Variants in ANK3 observed in about 807,000 individuals in gnomAD.
ANK3 encodes the protein ankyrin 3.
In ANK3, 57 loss-of-function variants were observed where a neutral mutation model predicts 370.9. That is an observed-to-expected ratio of 0.15 (90% confidence interval 0.12 to 0.19). The LOEUF is 0.19. Among genes scored for constraint, ANK3 ranks in the 10% least tolerant of loss-of-function variants. The probability of loss-of-function intolerance (pLI) is 1.00; values close to 1 mark genes in which losing one functional copy is unlikely to be tolerated. For missense variants in ANK3, 4,439 were observed against 5,302.1 expected, an observed-to-expected ratio of 0.84 and a Z score of 5.06; for synonymous variants, 1,929 against 1,946.3, an observed-to-expected ratio of 0.99 and a Z score of 0.23.
At chr10:60,512,933 T>A (rs561896844) in intron 2 of ANK3, among the ~76,000 whole-genome samples, 1 of 152,138 alleles carries the variant, frequency 6.6e-6, no homozygotes, top group South Asian at 2.1e-4. Flanking sequence ...TTATTTTCCA[T>A]AATTTACGTG....
At chr10:60,538,476 G>A (rs1390737909) in intron 2 of ANK3, among the ~76,000 whole-genome samples, 1 of 151,730 alleles carries the variant, frequency 6.6e-6, no homozygotes. Flanking sequence ...TGGCTCCCAT[G>A]TTGCCTCTTA....
intron 2 of ANK3, among the ~76,000 whole-genome samples, chr10:60,560,797 T>C (rs1290589824): frequency 6.6e-6 from 1 of 152,212 alleles, no homozygotes; most frequent in African/African-American, 2.4e-5. Flanking sequence ...AAAGAAACTT[T>C]GAAGTTAACT....
intron 1 of ANK3, among the ~76,000 whole-genome samples, chr10:60,291,791 C>A (rs1415665244): frequency 6.6e-6 from 1 of 152,136 alleles, no homozygotes; most frequent in Admixed American, 6.5e-5. Context: ...GAGCTCACTG[C>A]AACCTCCACC....
In ANK3 at chr10:60,503,000, C is replaced by T. The variant is rs184606551; in HGVS notation, c.96+112186G>A. Among the ~76,000 whole-genome samples, 3 of 152,148 alleles carry T rather than the reference C, an allele frequency of 2.0e-5. No homozygotes were observed. The East Asian group carries it at 5.8e-4, about 29-fold the overall frequency. ...GCAAGCATACTCTCTGGTTCAATTA[C>T]TTATGCATACTTAACTCTGTAATAT... is the stretch of plus-strand genomic sequence containing the variant. On this transcript the variant is annotated intron_variant, in intron 2 of 43. Coordinates refer to the ANK3 transcript ENST00000373827.
intron 2 of ANK3, among the ~76,000 whole-genome samples, chr10:60,401,320 A>C (rs2063348200): frequency 6.6e-6 from 1 of 152,218 alleles, no homozygotes; most frequent in Non-Finnish European, 1.5e-5. Context: ...CTTTGCACTG[A>C]TAGGCAATGA....
chr10:60,450,795 T>G (rs995067670), intron 2 of ANK3, among the ~76,000 whole-genome samples: 1 of 151,998 alleles, frequency 6.6e-6, no homozygotes, highest in East Asian at 1.9e-4. Flanking sequence ...ACAAGAAAAA[T>G]GTAGCACTTC....
In ANK3 at chr10:60,477,481, C is replaced by T. The variant is rs557007602; in HGVS notation, c.96+137705G>A. ...TGGGGCTACGAAGTACAGGTGAATG[C>T]AAAATATACATACCTACTGACAGAC... On this transcript the variant is annotated intron_variant, in intron 2 of 43. Transcript: ENST00000373827. Among the ~76,000 whole-genome samples the T allele has an allele frequency of 2.7e-5, 4 of 146,378 alleles. No homozygotes were observed. In the South Asian group the frequency reaches 8.9e-4, roughly 33 times the overall value.
rs767962901 is a variant in ANK3, at chr10:60,071,521, C to T, written c.9360G>A (p.Gln3120=). ...QQGGVKKIIS[Q]ECKTVQETRG... ...TGGTTTCTTGTACTGTCTTACATTC[C>T]TGACTTATGATTTTTTTTACACCTC... Residue 3120 remains glutamine (Q), a synonymous_variant, in exon 37 of 44, where the codon CAG becomes CAA. Coordinates refer to ENST00000280772, the MANE Select transcript of ANK3 (RefSeq NM_020987.5). The T allele has an allele frequency of 6.2e-7, 1 of 1,614,040 alleles. No homozygotes were observed.
At position 60,088,323 on chromosome 10, in the gene ANK3, T is replaced by C; in HGVS notation, c.3364A>G (p.Ile1122Val). The change falls in exon 29 of 44, where the codon ATC becomes GTC. Residue 1122 changes from isoleucine to valine, a missense_variant. Transcript: ENST00000280772. ...DSPEELGKKR[I>V]CRIITKDFPQ... The stretch of plus-strand genomic sequence containing the variant: ...AAATCTTTCGTGATAATCCTGCAGA[T>C]ACGCTTTTTCCCTAACTCTTCTGGG... 1 of 1,614,210 alleles carries C rather than the reference T, an allele frequency of 6.2e-7. No homozygotes were observed. The highest frequency in any genetic ancestry group is 8.5e-7 in the Non-Finnish European group (1 of 1,180,010).
chr10:60,469,051 A>T (rs1219468791), intron 2 of ANK3, among the ~76,000 whole-genome samples: 1 of 79,130 alleles, frequency 1.3e-5, no homozygotes, highest in East Asian at 3.7e-4. Context: ...ATATATATAT[A>T]TATACCACTT....
intron 42 of ANK3, among the ~76,000 whole-genome samples, chr10:60,049,023 A>G (rs1435796025): frequency 1.3e-5 from 2 of 152,244 alleles, no homozygotes; most frequent in African/African-American, 2.4e-5. Flanking sequence ...ATAGCAACAT[A>G]TGGAGTAAAG....
At chr10:60,687,592 T>C (rs903237566) in intron 1 of ANK3, among the ~76,000 whole-genome samples, 2 of 151,978 alleles carry the variant, frequency 1.3e-5, no homozygotes, top group Non-Finnish European at 2.9e-5. Flanking sequence ...GAGAAACTGA[T>C]GCCCTTGCAC....
intron 2 of ANK3, among the ~76,000 whole-genome samples, chr10:60,559,907 G>A (rs535545481): frequency 6.6e-6 from 1 of 152,194 alleles, no homozygotes; most frequent in South Asian, 2.1e-4. Flanking sequence ...GCCAGGTATG[G>A]TAGTGGGTGC....
At chr10:60,347,083 T>C (rs2132680285) in intron 1 of ANK3, among the ~76,000 whole-genome samples, 1 of 150,172 alleles carries the variant, frequency 6.7e-6, no homozygotes, top group Non-Finnish European at 1.5e-5. Flanking sequence ...ATTGCATTAG[T>C]ACTACCTAAT....
chr10:60,224,330 A>T (rs2097105481), intron 8 of ANK3, among the ~76,000 whole-genome samples: 1 of 152,082 alleles, frequency 6.6e-6, no homozygotes, highest in African/African-American at 2.4e-5. Flanking sequence ...GCTAGTCCAG[A>T]TCTCATATTT....
At chr10:60,032,878 G>A (rs140329977) in intron 43 of ANK3, among the ~76,000 whole-genome samples, 1 of 152,144 alleles carries the variant, frequency 6.6e-6, no homozygotes, top group African/African-American at 2.4e-5. Flanking sequence ...CAAGTACAAT[G>A]TTGCATAAAA....
At chr10:60,408,202 T>G (rs1322227829) in intron 2 of ANK3, among the ~76,000 whole-genome samples, 1 of 152,252 alleles carries the variant, frequency 6.6e-6, no homozygotes, top group Non-Finnish European at 1.5e-5. Context: ...ATGATTTCTC[T>G]GTCACTGTGG....
intron 1 of ANK3, among the ~76,000 whole-genome samples, chr10:60,302,068 G>A (rs1423859044): frequency 5.3e-5 from 8 of 152,092 alleles, no homozygotes; most frequent in Admixed American, 6.6e-5. Flanking sequence ...GTACAGTGGG[G>A]GAGGAAAAAC....
At chr10:60,500,635 G>A (rs2075772962) in intron 2 of ANK3, among the ~76,000 whole-genome samples, 1 of 152,146 alleles carries the variant, frequency 6.6e-6, no homozygotes, top group Admixed American at 6.5e-5. Flanking sequence ...GTTTTAAGAG[G>A]ATCACTGGCA....
Sources: allele counts gnomAD v4.1 joint callset (sites outside exome capture counted in the v4.1 genomes callset), GRCh38; gene constraint gnomAD v4.1.1; transcripts MANE v1.5; gene names NCBI Gene and HGNC (gene_info 2026-07-23, HGNC 2026-07-21).